The following MDN1 variants were observed in gnomAD, a reference collection of about 807,000 sequenced individuals.
The protein encoded by MDN1 is midasin AAA ATPase 1.
A neutral mutation model predicts 669.2 loss-of-function variants in MDN1; 266 were observed. That is an observed-to-expected ratio of 0.40 (90% CI 0.36 to 0.44). The LOEUF (loss-of-function observed/expected upper bound fraction) is 0.44, where lower values mean the gene tolerates loss of function less well. Ranked by LOEUF, MDN1 falls within the 20% of genes least tolerant of loss-of-function variation. The pLI is 1.00. For synonymous variants in MDN1, 2,385 were observed against 2,457.1 expected (o/e 0.97, Z 0.87); for missense variants, 5,940 against 6,754.0 (o/e 0.88, Z 4.22).
rs566565430 is a variant in MDN1, at chr6:89,727,517, T to C, written c.5472+316A>G. Among the ~76,000 whole-genome samples, 11 of 152,296 alleles carry C rather than the reference T, an allele frequency of 7.2e-5. No homozygotes were observed. In the East Asian group the frequency reaches 1.7e-3, roughly 24 times the overall value. ...AAAACATGAAGCGGTTGACGCTATT[T>C]ATAAAATGCCTCTAAAATAAATGCA... On this transcript the variant is annotated intron_variant, in intron 37 of 101. Transcript: ENST00000369393.
At chr6:89,738,718 A>G (rs1816134092) in intron 32 of MDN1, among the ~76,000 whole-genome samples, 1 of 152,194 alleles carries the variant, frequency 6.6e-6, no homozygotes, top group East Asian at 1.9e-4. Context: ...GCAGGATTCC[A>G]GCCAGTCCCA....
At position 89,718,610 on chromosome 6, in the gene MDN1, A is replaced by T. The variant is rs372307728; in HGVS notation, c.6339T>A (p.Pro2113=). 19 of 1,613,798 alleles carry T rather than the reference A, an allele frequency of 1.2e-5. No individual in the cohort carries two copies. Among genetic ancestry groups the T allele is most frequent in the Non-Finnish European group, 1.4e-5 (17 of 1,179,846 alleles). ...CCACCTTCTCTAGCAGCCTCCTCCA[A>T]GGTCGTATAAGATCAACCTGTAATT... The part of the protein sequence containing the change: ...GGFEQVDLIR[P]WRRLLEKVEG... Residue 2113 remains proline, a synonymous_variant, in exon 43 of 102, where the codon CCT becomes CCA. Coordinates refer to ENST00000369393, the MANE Select transcript of MDN1 (RefSeq NM_014611.3).
Position 89,723,541 on chromosome 6 carries a change from C to A in MDN1, c.5749G>T (p.Val1917Phe), listed in dbSNP as rs1814984208. The A allele has an allele frequency of 1.9e-6, 3 of 1,591,188 alleles. No individual in the cohort carries two copies. The highest frequency in any genetic ancestry group is 1.3e-5 in the African/African-American group (1 of 74,196). Residue 1917 changes from valine to phenylalanine, a missense_variant, in exon 39 of 102, where the codon GTT (valine) becomes TTT (phenylalanine). By Grantham distance (50) the Val-to-Phe change is conservative. This residue lies in a region of MDN1 where 2,292 missense variants were observed against 2,638.3 expected (regional missense o/e 0.87). Transcript: ENST00000369393. ...TLFPAIEKNI[V>F]KKMVAFNNQI... ...TTATTGAAAGCAACCATTTTCTTAACAATATTTTTCTCAATGGCTGGAAAC... is the reference window on the plus strand; with the variant it reads ...TTATTGAAAGCAACCATTTTCTTAAAAATATTTTTCTCAATGGCTGGAAAC...
At chr6:89,676,477 C>CT (rs1420546456) in intron 76 of MDN1, among the ~76,000 whole-genome samples, 1 of 152,166 alleles carries the variant, frequency 6.6e-6, no homozygotes, top group African/African-American at 2.4e-5. Flanking sequence ...GTCATAAACT[C>CT]TGATGCCTAC....
In MDN1 at chr6:89,672,640, G is replaced by A. The variant is rs776296314; in HGVS notation, c.13537C>T (p.Arg4513Ter). Residue 4513 changes from arginine (R) to a stop codon, truncating the protein, a stop_gained, in exon 81 of 102, where the codon CGA becomes TGA. Transcript: ENST00000369393. LOFTEE classifies it high-confidence loss of function. ...TTCTGGATGGCACAGAGGATGGCTC[G>A]GATGGCAATTTCCATTTGCTCTGAA... ...DFSEQMEIAI[R>*]AILCAIQNLE... The A allele has an allele frequency of 1.9e-6, 3 of 1,613,918 alleles. No homozygotes were observed. The highest frequency in any genetic ancestry group is 1.1e-5 in the South Asian group (1 of 91,034).
In MDN1 at chr6:89,653,092, G is replaced by A. The variant is rs1469060611; in HGVS notation, c.15725C>T (p.Thr5242Ile). The change falls in exon 94 of 102, where the codon ACA (threonine) becomes ATA (isoleucine). Residue 5242 changes from threonine to isoleucine, a missense_variant. By Grantham distance (89) the Thr-to-Ile change is moderately conservative. Transcript: ENST00000369393. ...TTCTGTCTCCTTATGGGCTTTGTCT[G>A]TTCTGGGGTCTTGGTCTTCCTCTGT... ...VKTEEDQDPR[T>I]DKAHKETENE... 1 of 1,614,024 alleles carries A rather than the reference G, an allele frequency of 6.2e-7. No homozygotes were observed. Among genetic ancestry groups the A allele is most frequent in the African/African-American group, 1.3e-5 (1 of 74,982 alleles).
intron 60 of MDN1, 140 bp from the exon 61 acceptor site, chr6:89,696,132 G>A: frequency 7.9e-7 from 1 of 1,262,286 alleles, no homozygotes; most frequent in African/African-American, 1.5e-5. Context: ...TTCTCACATG[G>A]TCTTATTTGG....
At chr6:89,702,961 C>T (rs529147237) in intron 53 of MDN1, among the ~76,000 whole-genome samples, 10 of 147,426 alleles carry the variant, frequency 6.8e-5, no homozygotes, top group Non-Finnish European at 1.3e-4. Flanking sequence ...TTTGAGACAG[C>T]GTCTTGCTCC....
In MDN1 at chr6:89,672,585, T is replaced by C. The variant is rs1158566638; in HGVS notation, c.13592A>G (p.Glu4531Gly). The C allele has an allele frequency of 6.2e-7, 1 of 1,614,174 alleles. No individual in the cohort carries two copies. Among genetic ancestry groups the C allele is most frequent in the African/African-American group, 1.3e-5 (1 of 75,062 alleles). The change falls in exon 81 of 102, where the codon GAG (glutamate) becomes GGG (glycine). Residue 4531 changes from glutamate (E) to glycine (G), a missense_variant. Physicochemically the swap from Glu to Gly is moderately conservative, Grantham distance 98 (BLOSUM62 -2). Coordinates refer to ENST00000369393, the MANE Select transcript of MDN1 (RefSeq NM_014611.3). ...NLEERKNEKA[E>G]ENTDQASPQE... The stretch of plus-strand genomic sequence containing the variant: ...TGGGCTTGCTTGGTCAGTGTTCTCC[T>C]CTGCTTTTTCATTCTTTCTTTCTTC...
At chr6:89,796,826 T>C (rs940738926) in intron 2 of MDN1, among the ~76,000 whole-genome samples, 1 of 152,142 alleles carries the variant, frequency 6.6e-6, no homozygotes, top group Admixed American at 6.6e-5. Context: ...CCCAGCACTT[T>C]GGGAGGCTGA....
intron 62 of MDN1, among the ~76,000 whole-genome samples, chr6:89,693,682 G>A (rs758064410): frequency 2.6e-5 from 4 of 151,896 alleles, no homozygotes; most frequent in Non-Finnish European, 5.9e-5. Flanking sequence ...TCCAAAATCT[G>A]AAGAAAAAAA....
chr6:89,666,613 G>A (rs980395763), intron 84 of MDN1, among the ~76,000 whole-genome samples: 59 of 152,218 alleles, frequency 3.9e-4, no homozygotes, highest in African/African-American at 1.4e-3. Context: ...GAATCCAGGC[G>A]TTAGCCACCA....
chr6:89,794,917 A>G (rs1317480579), intron 2 of MDN1, 116 bp from the exon 3 acceptor site: 1 of 829,246 alleles, frequency 1.2e-6, no homozygotes, highest in Non-Finnish European at 1.9e-6. Context: ...GCTATTTTCA[A>G]AAAGGAGTAT....
intron 49 of MDN1, 142 bp downstream of exon 49, chr6:89,711,894 C>G: frequency 1.4e-6 from 1 of 725,606 alleles, no homozygotes. Flanking sequence ...AACAGTAATG[C>G]TAGACCACAA....
In MDN1 at chr6:89,706,195, G is replaced by A. The variant is rs747321931; in HGVS notation, c.8015-3C>T. 8 of 1,606,206 alleles carry A rather than the reference G, an allele frequency of 5.0e-6. No homozygotes were observed. In the South Asian group the frequency reaches 5.6e-5, roughly 11 times the overall value. ...CAGAGTGTGATAGCTTTCTGGATCT[G>A]AGAGTCAACATAAATAAAATGAGAA... On this transcript the variant is annotated splice_region_variant and splice_polypyrimidine_tract_variant and intron_variant, in intron 52 of 101. Transcript: ENST00000369393.
chr6:89,738,509 G>A, intron 32 of MDN1, 54 bp from the exon 33 acceptor site: 2 of 1,594,814 alleles, frequency 1.3e-6, no homozygotes, highest in South Asian at 1.1e-5. Context: ...AGGAAAGCTG[G>A]AAAACAAGTC....
At chr6:89,722,880 G>GTGTA (rs1348847125) in intron 40 of MDN1, 75 bp downstream of exon 40, 3 of 1,221,818 alleles carry the variant, frequency 2.5e-6, no homozygotes, top group Non-Finnish European at 3.5e-6. Flanking sequence ...CTTGCAATTA[G>GTGTA]TGTATGTCCT....
intron 27 of MDN1, among the ~76,000 whole-genome samples, chr6:89,745,837 T>C (rs1391805367): frequency 1.3e-5 from 2 of 152,210 alleles, no homozygotes; most frequent in African/African-American, 2.4e-5. Context: ...CCAATGAACA[T>C]GTGTGTGTCG....
chr6:89,699,198 G>A (rs1812973140), intron 58 of MDN1, among the ~76,000 whole-genome samples, 163 bp from the exon 59 acceptor site: 1 of 152,154 alleles, frequency 6.6e-6, no homozygotes. Context: ...GTCAAGGAAT[G>A]TGACATGTTT....
Sources: gnomAD v4.1 joint callset for allele counts (sites outside exome capture counted in the v4.1 genomes callset) on GRCh38, gnomAD v4.1.1 for gene constraint, gnomAD v4.1.1 regional missense constraint, MANE v1.5 for transcripts, NCBI Gene and HGNC (gene_info 2026-07-23, HGNC 2026-07-21) for gene names.